WNK2: variants seen among roughly 807,000 people sequenced by gnomAD.
WNK2 encodes the protein WNK lysine deficient protein kinase 2.
Under a neutral mutation model 192.1 loss-of-function variants are expected in WNK2, and 67 were observed. That is an observed-to-expected ratio of 0.35 (90% CI 0.29 to 0.43). The LOEUF is 0.43. WNK2 is among the 20% of genes least tolerant of loss of function. The probability of loss-of-function intolerance (pLI) is 1.00; values close to 1 mark genes in which losing one functional copy is unlikely to be tolerated. For missense variants in WNK2, 2,698 were observed against 3,089.7 expected (o/e 0.87, Z 3.01); for synonymous variants, 1,439 against 1,393.9 (o/e 1.03, Z -0.72).
intron 19 of WNK2, chr9:93,269,090 C>A: frequency 1.3e-6 from 1 of 777,042 alleles, no homozygotes; most frequent in African/African-American, 1.7e-5. Context: ...GTGCCGCACA[C>A]CTGCAGCAGA....
Position 93,239,233 on chromosome 9 carries a change from C to G in WNK2, c.1323-524C>G, listed in dbSNP as rs115590575. ...CCCCCCAGTTCTGCAGGTCCTCACT[C>G]TCCTCCAGCTCACCCTCTGCTCTGC... On this transcript the variant is annotated intron_variant, in intron 6 of 29. Transcript: ENST00000427277. This position sits in a 1 kb window ranked among gnomAD's most constrained non-coding sequence, Gnocchi z 4.2. Among the ~76,000 whole-genome samples the G allele has an allele frequency of 6.6e-6, 1 of 152,208 alleles. No homozygotes were observed. The highest frequency in any genetic ancestry group is 1.5e-5 in the Non-Finnish European group (1 of 68,036).
intron 8 of WNK2, among the ~76,000 whole-genome samples, chr9:93,250,171 A>AAC (rs1271685432): frequency 6.6e-6 from 1 of 151,828 alleles, no homozygotes; most frequent in East Asian, 1.9e-4. Flanking sequence ...GCACACATAG[A>AAC]ACACACACAC....
At chr9:93,242,754 G>C (rs916749671) in intron 7 of WNK2, among the ~76,000 whole-genome samples, 1 of 152,202 alleles carries the variant, frequency 6.6e-6, no homozygotes, top group Non-Finnish European at 1.5e-5. Context: ...GGAGTCTCAC[G>C]CACAAATGAG....
At chr9:93,226,806 T>C (rs943199661) in intron 2 of WNK2, among the ~76,000 whole-genome samples, 5 of 152,216 alleles carry the variant, frequency 3.3e-5, no homozygotes, top group Non-Finnish European at 7.3e-5. Context: ...AGGAGCATGC[T>C]CCTTTTTGCT....
At position 93,295,826 on chromosome 9, in the gene WNK2, ATCC is replaced by A. The variant is rs144140697; in HGVS notation, c.5709-2024_5709-2022del. On this transcript the variant is annotated intron_variant, in intron 23 of 29. Coordinates refer to ENST00000427277, the MANE Select transcript of WNK2 (RefSeq NM_006648.4). ...TTCCCCTCACTTTCCTCCCCTCTCC[ATCC>A]TCAACTCACTTTCCTCCTCTCTCCA... Among the ~76,000 whole-genome samples the A allele has an allele frequency of 5.2e-3, 598 of 115,056 alleles. 6 individuals carry two copies. The highest frequency in any genetic ancestry group is 0.019 in the African/African-American group (562 of 28,948). The allele number at this position is 115,056 out of a possible 152,430, so 75.5% of individuals were successfully genotyped here. A position where few individuals can be genotyped will look rare whatever the true frequency, so the allele number is the denominator to read the frequency against.
chr9:93,295,201 C>T (rs1024951877), intron 23 of WNK2, among the ~76,000 whole-genome samples: 7 of 152,248 alleles, frequency 4.6e-5, no homozygotes, highest in African/African-American at 1.7e-4. Context: ...AGTCTGGGAC[C>T]GCGGGAGCTG....
intron 10 of WNK2, 77 bp from the exon 11 acceptor site, chr9:93,256,871 C>T (rs1843391459): frequency 1.5e-6 from 2 of 1,351,610 alleles, no homozygotes; most frequent in South Asian, 1.4e-5. Context: ...GGTTGATATC[C>T]TGTCATGTGT....
Position 93,247,957 on chromosome 9 carries a change from C to A in WNK2, c.1834+123C>A. On this transcript the variant is annotated intron_variant, in intron 8 of 29. Transcript: ENST00000427277. The surrounding 1 kb of genome is among the most constrained non-coding windows in gnomAD (Gnocchi z 5.2). ...TGGAATGCTTTGTGAGGAAGGGGGT[C>A]CGCATGGCATCCCCTCGGAGGAGAC... 2 of 1,123,364 alleles carry A rather than the reference C, an allele frequency of 1.8e-6. No homozygotes were observed. Among genetic ancestry groups the A allele is most frequent in the Non-Finnish European group, 2.5e-6 (2 of 803,038 alleles). 69.6% of individuals were successfully genotyped at this position (1,123,364 alleles called of 1,614,324 possible). A position where few individuals can be genotyped will look rare whatever the true frequency, so the allele number is the denominator to read the frequency against.
At chr9:93,275,409 A>G (rs566170503) in intron 19 of WNK2, among the ~76,000 whole-genome samples, 43 of 152,188 alleles carry the variant, frequency 2.8e-4, no homozygotes, top group African/African-American at 8.9e-4. Context: ...AAAAAAAAGT[A>G]ATAATTCTTA....
chr9:93,299,176 C>A lies in WNK2; in HGVS notation c.6030C>A (p.Thr2010=). The change falls in exon 25 of 30, where the codon ACC becomes ACA. Residue 2010 remains threonine, a synonymous_variant. Coordinates refer to ENST00000427277, the MANE Select transcript of WNK2 (RefSeq NM_006648.4). ...GCCTGAGCGGGAAGGCAGTGCAGACCCAGCAGCCCTGCTCCGTCCGGGCCT... is the reference window on the plus strand; with the variant it reads ...GCCTGAGCGGGAAGGCAGTGCAGACACAGCAGCCCTGCTCCGTCCGGGCCT... The part of the protein sequence containing the change: ...STGLSGKAVQ[T]QQPCSVRASL... 6.2e-7 allele frequency: 1 copy of A among 1,610,176 alleles called. No homozygotes were observed. The highest frequency in any genetic ancestry group is 8.5e-7 in the Non-Finnish European group (1 of 1,177,960).
chr9:93,251,291 G>A (rs1016802619), intron 8 of WNK2, among the ~76,000 whole-genome samples: 31 of 151,148 alleles, frequency 2.1e-4, no homozygotes, highest in African/African-American at 6.3e-4. Context: ...GATTTTTTTC[G>A]TATTTTTAGT....
At chr9:93,185,927 G>T (rs1829232926) in intron 2 of WNK2, among the ~76,000 whole-genome samples, 1 of 152,228 alleles carries the variant, frequency 6.6e-6, no homozygotes, top group South Asian at 2.1e-4. Flanking sequence ...CGGAGGCTGT[G>T]TCTCTTAGGC....
chr9:93,248,740 T>C (rs1175693404), intron 8 of WNK2, among the ~76,000 whole-genome samples: 2 of 152,252 alleles, frequency 1.3e-5, no homozygotes, highest in Non-Finnish European at 2.9e-5. Context: ...ACCTAGTATC[T>C]TCTGCACATA....
At chr9:93,205,077 T>C (rs1266197824) in intron 2 of WNK2, among the ~76,000 whole-genome samples, 1 of 152,198 alleles carries the variant, frequency 6.6e-6, no homozygotes, top group African/African-American at 2.4e-5. Context: ...AGATCAGAGC[T>C]GTGTTAACGT....
intron 2 of WNK2, among the ~76,000 whole-genome samples, chr9:93,217,915 G>A (rs560336591): frequency 1.1e-4 from 16 of 152,032 alleles, no homozygotes; most frequent in African/African-American, 3.4e-4. Context: ...CATTCTGGGC[G>A]TAGGCGTAGA....
intron 2 of WNK2, among the ~76,000 whole-genome samples, chr9:93,228,932 G>A (rs1229392599): frequency 6.6e-6 from 1 of 152,166 alleles, no homozygotes; most frequent in Non-Finnish European, 1.5e-5. Context: ...GCGGGAGGGT[G>A]GCCAGTGCTG....
At chr9:93,286,111 A>G (rs1848409171) in intron 19 of WNK2, among the ~76,000 whole-genome samples, 1 of 152,226 alleles carries the variant, frequency 6.6e-6, no homozygotes, top group Non-Finnish European at 1.5e-5. Context: ...CGTAGAACAC[A>G]TACGTTAAAG....
At chr9:93,317,806 C>A in intron 29 of WNK2, 175 bp downstream of exon 29, 1 of 1,488,224 alleles carries the variant, frequency 6.7e-7, no homozygotes, top group Admixed American at 2.2e-5. Flanking sequence ...TTCTTGCAGC[C>A]ACCTGTGGTC....
At position 93,289,452 on chromosome 9, in the gene WNK2, C is replaced by T; in HGVS notation, c.4698C>T (p.Pro1566=). 6.2e-7 allele frequency: 1 copy of T among 1,612,768 alleles called. No individual in the cohort carries two copies. Among genetic ancestry groups the T allele is most frequent in the Non-Finnish European group, 8.5e-7 (1 of 1,179,650 alleles). Reference sequence around the variant, plus strand: ...CTCTGCTCTACCAGGAGCACGTGCCCACCTCCTCAGCCTCAGCTGGGACCC... The same window carrying T: ...CTCTGCTCTACCAGGAGCACGTGCCTACCTCCTCAGCCTCAGCTGGGACCC... ...LRTLLYQEHV[P]TSSASAGTPV... Residue 1566 remains proline, a synonymous_variant, in exon 20 of 30, where the codon CCC becomes CCT. Coordinates refer to ENST00000427277, the MANE Select transcript of WNK2 (RefSeq NM_006648.4).
Sources: allele counts gnomAD v4.1 joint callset (sites outside exome capture counted in the v4.1 genomes callset), GRCh38; gene constraint gnomAD v4.1.1; non-coding constraint Gnocchi (gnomAD v3.1); transcripts MANE v1.5; gene names NCBI Gene and HGNC (gene_info 2026-07-23, HGNC 2026-07-21).